UNC80: variants seen among roughly 807,000 people sequenced by gnomAD.
UNC80 encodes protein unc-80 homolog.
UNC80 carries 164 observed loss-of-function variants against 384.6 expected under a neutral mutation model. The ratio of observed to expected loss-of-function variants is 0.43; its 90% confidence interval spans 0.38 to 0.49. The LOEUF (loss-of-function observed/expected upper bound fraction) is 0.49, where lower values mean the gene tolerates loss of function less well. UNC80 is among the 20% of genes least tolerant of loss of function. The probability of loss-of-function intolerance (pLI) is 0.00; values close to 1 mark genes in which losing one functional copy is unlikely to be tolerated. For missense variants in UNC80, 3,330 were observed against 4,143.0 expected, an observed-to-expected ratio of 0.80 and a Z score of 5.39; for synonymous variants, 1,486 against 1,527.8, an observed-to-expected ratio of 0.97 and a Z score of 0.64.
chr2:209,775,693 T>C (rs560212853), intron 2 of UNC80, among the ~76,000 whole-genome samples, 196 bp from the exon 3 acceptor site: 1 of 152,350 alleles, frequency 6.6e-6, no homozygotes, highest in Admixed American at 6.5e-5. Context: ...AGAAAATTAT[T>C]ACTGACCCAT....
intron 22 of UNC80, among the ~76,000 whole-genome samples, chr2:209,864,870 G>GTC (rs1427012237): frequency 2.6e-5 from 4 of 152,342 alleles, no homozygotes; most frequent in African/African-American, 9.6e-5. Flanking sequence ...GCCAGTGCTG[G>GTC]TCGCTTCTCC....
At position 209,959,563 on chromosome 2, in the gene UNC80, A is replaced by G. The variant is rs2125001105; in HGVS notation, c.7661A>G (p.Glu2554Gly). The part of the protein sequence containing the change: ...EELDERIARE[E>G]FRRPRESLLN... ...CTGGATGAACGAATTGCTCGGGAAG[A>G]GTTCAGAAGACCCCGGGAGTCCTTA... is the stretch of plus-strand genomic sequence containing the variant. Residue 2554 changes from glutamate to glycine, a missense_variant, in exon 51 of 65, where the codon GAG becomes GGG. Glu to Gly is a moderately conservative substitution (Grantham distance 98). This residue lies in a region of UNC80 where 1,049 missense variants were observed against 1,488.6 expected (regional missense o/e 0.70). Transcript: ENST00000673920. 1 of 1,551,724 alleles carries G rather than the reference A, an allele frequency of 6.4e-7. No homozygotes were observed.
intron 22 of UNC80, among the ~76,000 whole-genome samples, chr2:209,862,781 T>G (rs1204933962): frequency 6.6e-6 from 1 of 152,070 alleles, no homozygotes; most frequent in African/African-American, 2.4e-5. Flanking sequence ...TTTGACTTTT[T>G]ATTCAATTTG....
In UNC80 at chr2:209,941,231, A is replaced by C; in HGVS notation, c.6657A>C (p.Glu2219Asp). 3 of 1,511,084 alleles carry C rather than the reference A, an allele frequency of 2.0e-6. No homozygotes were observed. The highest frequency in any genetic ancestry group is 2.7e-6 in the Non-Finnish European group (3 of 1,119,164). The allele number at this position is 1,511,084 out of a possible 1,614,324, so 93.6% of individuals were successfully genotyped here. A position where few individuals can be genotyped will look rare whatever the true frequency, so the allele number is the denominator to read the frequency against. The change falls in exon 44 of 65, where the codon GAA becomes GAC. Residue 2219 changes from glutamate to aspartate, a missense_variant. Glu to Asp is a conservative substitution (Grantham distance 45). Transcript: ENST00000673920. ...SLFSDPQAGK[E>D]LFGLDTLQKS... Reference sequence around the variant, plus strand: ...TTCATGTTCTCACAGCTGGAAAGGAACTGTTTGGCCTCGACACTCTTCAGA... The same window carrying C: ...TTCATGTTCTCACAGCTGGAAAGGACCTGTTTGGCCTCGACACTCTTCAGA...
chr2:209,901,692 C>T (rs745596097), intron 28 of UNC80, among the ~76,000 whole-genome samples: 6 of 151,976 alleles, frequency 3.9e-5, no homozygotes, highest in Admixed American at 2.0e-4. Context: ...TTTGGGAGGC[C>T]GAGACAGGCG....
intron 7 of UNC80, chr2:209,808,742 C>G (rs903388937): frequency 8.4e-6 from 2 of 238,862 alleles, no homozygotes; most frequent in African/African-American, 2.4e-5. Context: ...AAGGCTCGGC[C>G]TAGTGAGTGG....
chr2:209,788,797 T>C (rs1274035576), intron 5 of UNC80, among the ~76,000 whole-genome samples: 1 of 151,950 alleles, frequency 6.6e-6, no homozygotes, highest in African/African-American at 2.4e-5. Context: ...AGTTAATTTA[T>C]TATTAAAGAA....
At chr2:209,812,439 G>A (rs899195786) in intron 7 of UNC80, among the ~76,000 whole-genome samples, 18 of 151,484 alleles carry the variant, frequency 1.2e-4, no homozygotes, top group Non-Finnish European at 2.5e-4. Flanking sequence ...CTAGTGAGCC[G>A]TAGATTTTTT....
At chr2:209,890,631 A>G (rs1283477029) in intron 26 of UNC80, among the ~76,000 whole-genome samples, 1 of 152,124 alleles carries the variant, frequency 6.6e-6, no homozygotes, top group Non-Finnish European at 1.5e-5. Flanking sequence ...ATATATAGTA[A>G]CTCACTATGT....
rs1305359757 is a variant in UNC80 at position 209,945,165 on chromosome 2, G to A, written c.7165G>A (p.Ala2389Thr). The change falls in exon 46 of 65, where the codon GCT (alanine) becomes ACT (threonine). Residue 2389 changes from alanine (A) to threonine (T), a missense_variant. Physicochemically the swap from Ala to Thr is moderately conservative, Grantham distance 58. Coordinates refer to ENST00000673920, the MANE Select transcript of UNC80 (RefSeq NM_001371986.1). ...ATTAGACATCTTAGAGCTGGTCAAA[G>A]CTGAGAAGCCTCTCAAGTCATTAGG... Reference protein sequence around the residue: ...DILDILELVKAEKPLKSLDFC... With the variant: ...DILDILELVKTEKPLKSLDFC... 6.4e-7 allele frequency: 1 copy of A among 1,551,052 alleles called. No homozygotes were observed. The highest frequency in any genetic ancestry group is 8.7e-7 in the Non-Finnish European group (1 of 1,146,704).
intron 61 of UNC80, among the ~76,000 whole-genome samples, chr2:209,988,170 C>T (rs1172232877): frequency 6.6e-6 from 1 of 152,134 alleles, no homozygotes; most frequent in Non-Finnish European, 1.5e-5. Flanking sequence ...TCTACAGATA[C>T]CTTATCGCTC....
At chr2:209,923,432 G>A (rs1038023686) in intron 35 of UNC80, among the ~76,000 whole-genome samples, 1 of 152,086 alleles carries the variant, frequency 6.6e-6, no homozygotes. Flanking sequence ...TTTGCATTTA[G>A]ATAACTAGTT....
At chr2:209,919,665 T>C (rs2089874716) in intron 33 of UNC80, among the ~76,000 whole-genome samples, 1 of 152,218 alleles carries the variant, frequency 6.6e-6, no homozygotes, top group Admixed American at 6.5e-5. Context: ...TTTGGAGAAC[T>C]GTTTTTTAAA....
In UNC80 at chr2:209,819,230, T is replaced by A; in HGVS notation, c.1931T>A (p.Phe644Tyr). 1 of 1,551,438 alleles carries A rather than the reference T, an allele frequency of 6.4e-7. No individual in the cohort carries two copies. The highest frequency in any genetic ancestry group is 1.2e-5 in the South Asian group (1 of 83,952). Reference sequence around the variant, plus strand: ...GAACATATTGACGGGACCAATAACTTTGTCCACAAGAATGGAATGCTTGAT... The same window carrying A: ...GAACATATTGACGGGACCAATAACTATGTCCACAAGAATGGAATGCTTGAT... Reference protein sequence around the residue: ...DTEHIDGTNNFVHKNGMLDLS... With the variant: ...DTEHIDGTNNYVHKNGMLDLS... Residue 644 changes from phenylalanine to tyrosine, a missense_variant, in exon 12 of 65, where the codon TTT becomes TAT. Physicochemically the swap from Phe to Tyr is conservative, Grantham distance 22. Around this residue, in one of 8 missense-constraint regions of UNC80, gnomAD observed 937 missense variants for 1,026.8 expected, o/e 0.91. Transcript: ENST00000673920.
At chr2:209,991,545 G>C (rs1224097996) in intron 61 of UNC80, among the ~76,000 whole-genome samples, 2 of 152,146 alleles carry the variant, frequency 1.3e-5, no homozygotes, top group Non-Finnish European at 2.9e-5. Context: ...TAAAGCTCCT[G>C]AGTTGTAATG....
At chr2:209,810,017 C>G (rs1011920287) in intron 7 of UNC80, among the ~76,000 whole-genome samples, 29 of 152,320 alleles carry the variant, frequency 1.9e-4, no homozygotes, top group African/African-American at 4.8e-4. Flanking sequence ...GGCCACCCTC[C>G]GCGAGGTTTG....
intron 30 of UNC80, 58 bp from the exon 31 acceptor site, chr2:209,913,744 G>A (rs2089219282): frequency 4.1e-6 from 6 of 1,467,062 alleles, no homozygotes; most frequent in African/African-American, 1.4e-5. Flanking sequence ...AGTTTCAAGA[G>A]AAGTGCAGTA....
intron 40 of UNC80, 34 bp downstream of exon 40, chr2:209,935,842 G>A: frequency 7.3e-7 from 1 of 1,370,404 alleles, no homozygotes; most frequent in South Asian, 1.3e-5. Context: ...CAATTTTTAA[G>A]GACAATGCTA....
Position 209,992,102 on chromosome 2 carries a change from A to T in UNC80, c.9315-64A>T. On this transcript the variant is annotated intron_variant, in intron 61 of 64. Transcript: ENST00000673920. ...TATCATACAAGTGATTTTGGCTAAC[A>T]CCCACCAGAGGACAGTCTCCTGTAC... 2.9e-6 allele frequency: 4 copies of T among 1,381,434 alleles called. No homozygotes were observed. In the Admixed American group the frequency reaches 6.4e-5, roughly 22 times the overall value. 85.6% of individuals were successfully genotyped at this position (1,381,434 alleles called of 1,614,324 possible).
Sources: gnomAD v4.1 joint callset for allele counts (sites outside exome capture counted in the v4.1 genomes callset) on GRCh38, gnomAD v4.1.1 for gene constraint, gnomAD v4.1.1 regional missense constraint, MANE v1.5 for transcripts, NCBI Gene and HGNC (gene_info 2026-07-23, HGNC 2026-07-21) for gene names.